Variants in CAPN2 observed in about 807,000 individuals in gnomAD.
The protein encoded by CAPN2 is calpain-2 catalytic subunit.
Under a neutral mutation model 102.3 loss-of-function variants are expected in CAPN2, and 92 were observed. That is an observed-to-expected ratio of 0.90 (90% CI 0.76 to 1.07). The LOEUF is 1.07. CAPN2 is among the 50% of genes least tolerant of loss of function. The probability of loss-of-function intolerance (pLI) is 0.00; values close to 1 mark genes in which losing one functional copy is unlikely to be tolerated. For synonymous variants in CAPN2, 340 were observed against 355.4 expected (o/e 0.96, Z 0.49); for missense variants, 800 against 909.4 (o/e 0.88, Z 1.55).
At chr1:223,772,510 G>C (rs1661508689) in intron 20 of CAPN2, 1 of 426,244 alleles carries the variant, frequency 2.3e-6, no homozygotes, top group Non-Finnish European at 4.2e-6. Flanking sequence ...CTAAGGAGTG[G>C]CTGCAGGATC....
At position 223,755,137 on chromosome 1, in the gene CAPN2, C is replaced by A. The variant is rs966009757; in HGVS notation, c.1136-343C>A. On this transcript the variant is annotated intron_variant, in intron 9 of 20. Transcript: ENST00000295006. The surrounding 1 kb of genome is among the most constrained non-coding windows in gnomAD (Gnocchi z 4.1). ...CACACTCCAACCCTGGTGTCTCCCA[C>A]CTCCTAGCCTCTCCCAACATCGCCT... Among the ~76,000 whole-genome samples the A allele has an allele frequency of 6.6e-6, 1 of 152,174 alleles. No individual in the cohort carries two copies. Among genetic ancestry groups the A allele is most frequent in the Non-Finnish European group, 1.5e-5 (1 of 68,020 alleles).
rs1331489664 is a variant in CAPN2 at position 223,757,638 on chromosome 1, T to C, written c.1317+258T>C. On this transcript the variant is annotated intron_variant, in intron 11 of 20. Coordinates refer to ENST00000295006, the MANE Select transcript of CAPN2 (RefSeq NM_001748.5). The stretch of plus-strand genomic sequence containing the variant: ...TGGCAGAGCCCATACAGGGTTTGGT[T>C]CTGGGCAGAAAATCCATGATCCTGA... 5 of 537,764 alleles carry C rather than the reference T, an allele frequency of 9.3e-6. No homozygotes were observed. In the Admixed American group the frequency reaches 1.6e-4, roughly 17 times the overall value. 33.3% of individuals were successfully genotyped at this position (537,764 alleles called of 1,614,324 possible).
chr1:223,774,920 A>G lies in CAPN2; in HGVS notation c.*63A>G, dbSNP rs1157157308. On this transcript the variant is annotated 3_prime_UTR_variant, in exon 21 of 21. Transcript: ENST00000295006. The stretch of plus-strand genomic sequence containing the variant: ...AAAATCAGCCAAGGACTAAGCTTCC[A>G]TAGAAATACACTTTGTATCTGGACC... The G allele has an allele frequency of 2.6e-5, 36 of 1,396,202 alleles. 2 individuals carry two copies. In the Admixed American group the frequency reaches 6.0e-4, roughly 23 times the overall value. 86.5% of individuals were successfully genotyped at this position (1,396,202 alleles called of 1,614,324 possible). A position where few individuals can be genotyped will look rare whatever the true frequency, so the allele number is the denominator to read the frequency against.
chr1:223,703,457 C>T (rs1659530538), intron 1 of CAPN2, among the ~76,000 whole-genome samples: 1 of 152,148 alleles, frequency 6.6e-6, no homozygotes, highest in African/African-American at 2.4e-5. Context: ...TGTGTTCTCT[C>T]CAGGCTGCTC....
chr1:223,751,855 G>A, intron 7 of CAPN2, 142 bp from the exon 8 acceptor site: 1 of 644,316 alleles, frequency 1.6e-6, no homozygotes, highest in Middle Eastern at 4.3e-4. Flanking sequence ...AAATGCAGCT[G>A]TTAGCCAGAT....
chr1:223,767,680 T>C (rs1661372203), intron 16 of CAPN2, among the ~76,000 whole-genome samples: 1 of 149,820 alleles, frequency 6.7e-6, no homozygotes, highest in East Asian at 2.0e-4. Context: ...AGCAGCATGA[T>C]TTATAGTCCT....
Position 223,752,969 on chromosome 1 carries a change from G to T in CAPN2, c.1135+13G>T, listed in dbSNP as rs1400771056. On this transcript the variant is annotated intron_variant, in intron 9 of 20. Coordinates refer to ENST00000295006, the MANE Select transcript of CAPN2 (RefSeq NM_001748.5). Reference sequence around the variant, plus strand: ...AGGAACTACCCGAGTAAGGGCTGTTGCATATAAGGGCTGTTGCAATGCGGG... The same window carrying T: ...AGGAACTACCCGAGTAAGGGCTGTTTCATATAAGGGCTGTTGCAATGCGGG... The T allele has an allele frequency of 7.4e-6, 12 of 1,613,290 alleles. No homozygotes were observed. The highest frequency in any genetic ancestry group is 1.0e-5 in the Non-Finnish European group (12 of 1,179,566).
Position 223,755,405 on chromosome 1 carries a change from C to T in CAPN2, c.1136-75C>T. 1 of 1,509,588 alleles carries T rather than the reference C, an allele frequency of 6.6e-7. No individual in the cohort carries two copies. Among genetic ancestry groups the T allele is most frequent in the Non-Finnish European group, 9.1e-7 (1 of 1,097,692 alleles). 93.5% of individuals were successfully genotyped at this position (1,509,588 alleles called of 1,614,324 possible). A position where few individuals can be genotyped will look rare whatever the true frequency, so the allele number is the denominator to read the frequency against. Reference sequence around the variant, plus strand: ...CCATCCCTCTCAGAAGCCTCCAAGCCTGAGACCAGGGCCACCCCCCACCCC... The same window carrying T: ...CCATCCCTCTCAGAAGCCTCCAAGCTTGAGACCAGGGCCACCCCCCACCCC... On this transcript the variant is annotated intron_variant, in intron 9 of 20. Transcript: ENST00000295006. The surrounding 1 kb of genome is among the most constrained non-coding windows in gnomAD (Gnocchi z 4.1).
chr1:223,757,356 C>CTT lies in CAPN2; in HGVS notation c.1306-11_1306-10dup. 6.2e-7 allele frequency: 1 copy of CTT among 1,614,190 alleles called. No homozygotes were observed. Among genetic ancestry groups the CTT allele is most frequent in the Non-Finnish European group, 8.5e-7 (1 of 1,180,030 alleles). ...TTTTCCGGCATCTGAATTGCATCTC[C>CTT]TTTATTTTGCAGGTTCCAGAGGAGG... On this transcript the variant is annotated splice_polypyrimidine_tract_variant and intron_variant, in intron 10 of 20. Transcript: ENST00000295006.
intron 6 of CAPN2, among the ~76,000 whole-genome samples, chr1:223,750,663 A>T (rs1299366204): frequency 6.6e-6 from 1 of 152,164 alleles, no homozygotes; most frequent in East Asian, 1.9e-4. Context: ...GGATCCTGGG[A>T]GCTTTAAATC....
chr1:223,709,805 G>A (rs942282866), upstream of CAPN2, among the ~76,000 whole-genome samples: 19 of 152,160 alleles, frequency 1.2e-4, no homozygotes, highest in African/African-American at 4.6e-4. Context: ...CAAAAAACTG[G>A]TCTCTCTACA....
upstream of CAPN2, among the ~76,000 whole-genome samples, chr1:223,709,520 C>T (rs1429547280): frequency 1.3e-5 from 2 of 152,000 alleles, no homozygotes; most frequent in African/African-American, 4.8e-5. Flanking sequence ...ATTAGCCAGG[C>T]ATGGTGGCAG....
chr1:223,755,753 C>A lies in CAPN2; in HGVS notation c.1305+104C>A. The A allele has an allele frequency of 8.3e-7, 1 of 1,204,014 alleles. No homozygotes were observed. The highest frequency in any genetic ancestry group is 2.7e-5 in the East Asian group (1 of 37,004). The allele number at this position is 1,204,014 out of a possible 1,614,324, so 74.6% of individuals were successfully genotyped here. A position where few individuals can be genotyped will look rare whatever the true frequency, so the allele number is the denominator to read the frequency against. ...CAGAACTGGGGATGGGATCCCAGAC[C>A]GGGAGCTTGGCCAAGGAAAAACAAA... is the stretch of plus-strand genomic sequence containing the variant. On this transcript the variant is annotated intron_variant, in intron 10 of 20. Transcript: ENST00000295006. This position sits in a 1 kb window ranked among gnomAD's most constrained non-coding sequence, Gnocchi z 4.1.
Position 223,712,842 on chromosome 1 carries a change from A to G in CAPN2, c.202A>G (p.Ser68Gly), listed in dbSNP as rs2230083. ...CTTCAAGGAGTTGGGGCCCTACTCC[A>G]GCAAAACCCGGGGCATCGAGTGGAA... ...LGFKELGPYSSKTRGIEWKRP... is the reference protein window; with the variant it reads ...LGFKELGPYSGKTRGIEWKRP... The change falls in exon 1 of 21, where the codon AGC (serine) becomes GGC (glycine). Residue 68 changes from serine to glycine, a missense_variant. Ser to Gly is a moderately conservative substitution (Grantham distance 56, BLOSUM62 0). Coordinates refer to ENST00000295006, the MANE Select transcript of CAPN2 (RefSeq NM_001748.5). The G allele has an allele frequency of 9.8e-3, 15,195 of 1,558,266 alleles. 865 individuals are homozygous for G. In the East Asian group the frequency reaches 0.16, roughly 16 times the overall value.
intron 5 of CAPN2, among the ~76,000 whole-genome samples, chr1:223,747,773 G>C (rs770677517): frequency 6.6e-6 from 1 of 152,168 alleles, no homozygotes; most frequent in African/African-American, 2.4e-5. Flanking sequence ...AGAGTGGATC[G>C]AGAGACAGAA....
chr1:223,732,935 T>C (rs1030316207), intron 2 of CAPN2, among the ~76,000 whole-genome samples: 1 of 152,184 alleles, frequency 6.6e-6, no homozygotes, highest in Admixed American at 6.5e-5. Context: ...GGGGCCAGCT[T>C]GTTTCTTTAA....
intron 2 of CAPN2, among the ~76,000 whole-genome samples, chr1:223,742,929 T>C (rs1330611675): frequency 5.9e-5 from 9 of 152,188 alleles, no homozygotes; most frequent in African/African-American, 1.9e-4. Flanking sequence ...TGTAGGAAAG[T>C]GCACATTCCT....
At chr1:223,715,289 T>C (rs1291972328) in intron 1 of CAPN2, among the ~76,000 whole-genome samples, 1 of 152,028 alleles carries the variant, frequency 6.6e-6, no homozygotes, top group African/African-American at 2.4e-5. Context: ...ATTAAGAACA[T>C]GATCAACTTA....
chr1:223,765,332 C>T (rs1041425672), intron 15 of CAPN2, among the ~76,000 whole-genome samples: 2 of 152,182 alleles, frequency 1.3e-5, no homozygotes, highest in Non-Finnish European at 2.9e-5. Context: ...TACGGTCAGT[C>T]CAGTGCAGGG....
Sources: gnomAD v4.1 joint callset for allele counts (sites outside exome capture counted in the v4.1 genomes callset) on GRCh38, gnomAD v4.1.1 for gene constraint, Gnocchi (gnomAD v3.1) non-coding constraint, MANE v1.5 for transcripts, NCBI Gene and HGNC (gene_info 2026-07-23, HGNC 2026-07-21) for gene names.